The following PRKCI variants were observed in gnomAD, a reference collection of about 807,000 sequenced individuals.
PRKCI encodes the protein protein kinase C iota, also known as protein kinase C iota type.
Under a neutral mutation model 84.0 loss-of-function variants are expected in PRKCI, and 43 were observed. The ratio of observed to expected loss-of-function variants is 0.51; its 90% CI spans 0.40 to 0.66. PRKCI has a LOEUF of 0.66. PRKCI is among the 30% of genes least tolerant of loss of function. The probability of loss-of-function intolerance (pLI) is 0.00; values close to 1 mark genes in which losing one functional copy is unlikely to be tolerated. For synonymous variants in PRKCI, 216 were observed against 234.4 expected (o/e 0.92, Z 0.72); for missense variants, 459 against 745.6 (o/e 0.62, Z 4.48).
intron 14 of PRKCI, among the ~76,000 whole-genome samples, chr3:170,295,474 T>G (rs190763511): frequency 6.6e-6 from 1 of 151,970 alleles, no homozygotes; most frequent in East Asian, 1.9e-4. Context: ...GTCAGGAGTT[T>G]GAGACCAGCC....
intron 1 of PRKCI, among the ~76,000 whole-genome samples, 194 bp downstream of exon 1, chr3:170,222,964 C>T (rs1732531555): frequency 6.6e-6 from 1 of 151,986 alleles, no homozygotes. Flanking sequence ...CTGGGGGCGC[C>T]CCCAGGTATG....
At chr3:170,289,131 T>C (rs1193543264) in intron 12 of PRKCI, among the ~76,000 whole-genome samples, 1 of 152,232 alleles carries the variant, frequency 6.6e-6, no homozygotes, top group East Asian at 1.9e-4. Context: ...AAGTGAATGA[T>C]TAAGCATAGC....
At chr3:170,282,584 C>T (rs765204341) in intron 11 of PRKCI, among the ~76,000 whole-genome samples, 2 of 151,342 alleles carry the variant, frequency 1.3e-5, no homozygotes, top group Non-Finnish European at 1.5e-5. Flanking sequence ...GTAATCCCAG[C>T]TACTCAGGAG....
intron 1 of PRKCI, among the ~76,000 whole-genome samples, chr3:170,223,394 C>G (rs1732546586): frequency 6.6e-6 from 1 of 152,126 alleles, no homozygotes; most frequent in South Asian, 2.1e-4. Flanking sequence ...GTGTGTAAAT[C>G]AAAATTTTGT....
rs1277040459 is a variant in PRKCI, at chr3:170,222,562, G to C, written c.-108G>C. On this transcript the variant is annotated 5_prime_UTR_variant, in exon 1 of 18. Transcript: ENST00000295797. The stretch of plus-strand genomic sequence containing the variant: ...GCGGGCGAGGTGGGCAGGTAGGTGG[G>C]CGGACGGCCGCGGTTCTCCGGCAAG... 4.1e-6 allele frequency: 4 copies of C among 981,728 alleles called. No individual in the cohort carries two copies. The highest frequency in any genetic ancestry group is 5.8e-6 in the Non-Finnish European group (4 of 694,606). The allele number at this position is 981,728 out of a possible 1,614,324, so 60.8% of individuals were successfully genotyped here.
intron 2 of PRKCI, among the ~76,000 whole-genome samples, chr3:170,250,708 A>G (rs1733423163): frequency 6.6e-6 from 1 of 152,206 alleles, no homozygotes; most frequent in African/African-American, 2.4e-5. Context: ...ACATTTGGTT[A>G]CAACTTTTTG....
chr3:170,297,188 C>T lies in PRKCI; in HGVS notation c.1498-116C>T, dbSNP rs1034998869. On this transcript the variant is annotated intron_variant, in intron 15 of 17. Coordinates refer to ENST00000295797, the MANE Select transcript of PRKCI (RefSeq NM_002740.6). ...GTACTTTCTAGAAATAAAAGGTAGACCATTCCAACTTCAGAAATAAGAGTA... is the reference window on the plus strand; with the variant it reads ...GTACTTTCTAGAAATAAAAGGTAGATCATTCCAACTTCAGAAATAAGAGTA... 68 of 783,806 alleles carry T rather than the reference C, an allele frequency of 8.7e-5. No individual in the cohort carries two copies. In the Middle Eastern group the frequency reaches 2.6e-3, roughly 30 times the overall value. The allele number at this position is 783,806 out of a possible 1,614,324, so 48.6% of individuals were successfully genotyped here. A position where few individuals can be genotyped will look rare whatever the true frequency, so the allele number is the denominator to read the frequency against.
chr3:170,233,138 T>C (rs983511557), intron 1 of PRKCI, among the ~76,000 whole-genome samples: 1 of 151,654 alleles, frequency 6.6e-6, no homozygotes, highest in Non-Finnish European at 1.5e-5. Flanking sequence ...TAATGGTTAT[T>C]GCAAATAAAA....
At position 170,262,634 on chromosome 3, in the gene PRKCI, A is replaced by G. The variant is rs570189466; in HGVS notation, c.314-745A>G. ...GAGCTGGGATTACAGGCACATCACC[A>G]TGCCAGGCTAATTTTTTTTGTATTT... On this transcript the variant is annotated intron_variant, in intron 3 of 17. Coordinates refer to ENST00000295797, the MANE Select transcript of PRKCI (RefSeq NM_002740.6). 4.6e-5 allele frequency among the ~76,000 whole-genome samples: 7 copies of G among 152,142 alleles called. No homozygotes were observed. The South Asian group carries it at 1.0e-3, about 23-fold the overall frequency.
intron 5 of PRKCI, among the ~76,000 whole-genome samples, chr3:170,269,119 T>C (rs1733937909): frequency 6.6e-6 from 1 of 152,156 alleles, no homozygotes; most frequent in Non-Finnish European, 1.5e-5. Flanking sequence ...TATACCTTGT[T>C]GGCCAAGCTG....
intron 1 of PRKCI, among the ~76,000 whole-genome samples, chr3:170,223,738 T>G (rs975360009): frequency 6.6e-6 from 1 of 152,146 alleles, no homozygotes; most frequent in Non-Finnish European, 1.5e-5. Flanking sequence ...CCTTACTGCT[T>G]GTCCAGGTAG....
rs535451754 is a variant in PRKCI at position 170,242,125 on chromosome 3, G to C, written c.223+6774G>C. Among the ~76,000 whole-genome samples the C allele has an allele frequency of 7.9e-5, 12 of 152,068 alleles. No homozygotes were observed. In the East Asian group the frequency reaches 1.9e-3, roughly 25 times the overall value. Reference sequence around the variant, plus strand: ...ACTCCGTCTCAAAAAAATTTTTTTTGTAGAGACAGGGTCTTGTTACATTGT... The same window carrying C: ...ACTCCGTCTCAAAAAAATTTTTTTTCTAGAGACAGGGTCTTGTTACATTGT... On this transcript the variant is annotated intron_variant, in intron 2 of 17. Coordinates refer to ENST00000295797, the MANE Select transcript of PRKCI (RefSeq NM_002740.6).
chr3:170,278,715 A>G (rs1734176542), intron 8 of PRKCI, among the ~76,000 whole-genome samples: 1 of 152,224 alleles, frequency 6.6e-6, no homozygotes. Flanking sequence ...TAATTTATAC[A>G]AGATTTATTT....
At chr3:170,255,055 CTTTTTTTTTT>C (rs34437904) in intron 2 of PRKCI, among the ~76,000 whole-genome samples, 1 of 38,854 alleles carries the variant, frequency 2.6e-5, no homozygotes, top group Non-Finnish European at 4.3e-5. Context: ...AGATCTTTCA[CTTTTTTTTTT>C]TTTTTTTTTT....
At chr3:170,290,371 T>C (rs1296058543) in intron 12 of PRKCI, among the ~76,000 whole-genome samples, 1 of 152,108 alleles carries the variant, frequency 6.6e-6, no homozygotes, top group African/African-American at 2.4e-5. Flanking sequence ...TACATTGAGA[T>C]TTCCTTTATG....
intron 11 of PRKCI, among the ~76,000 whole-genome samples, chr3:170,284,198 A>C (rs1278823733): frequency 1.3e-5 from 2 of 152,078 alleles, no homozygotes; most frequent in Admixed American, 1.3e-4. Flanking sequence ...AAGTTCACCC[A>C]AGGACCCAGA....
chr3:170,293,489 A>G lies in PRKCI; in HGVS notation c.1398A>G (p.Thr466=), dbSNP rs991878288. 3 of 1,613,610 alleles carry G rather than the reference A, an allele frequency of 1.9e-6. No individual in the cohort carries two copies. The highest frequency in any genetic ancestry group is 1.7e-6 in the Non-Finnish European group (2 of 1,179,788). The change falls in exon 14 of 18, where the codon ACA becomes ACG. Residue 466 remains threonine, a synonymous_variant. Transcript: ENST00000295797. Reference sequence around the variant, plus strand: ...GCTCCGATAACCCTGACCAGAACACAGAGGATTATCTCTTCCAAGGTAATT... The same window carrying G: ...GCTCCGATAACCCTGACCAGAACACGGAGGATTATCTCTTCCAAGGTAATT... ...VGSSDNPDQN[T]EDYLFQVILE... is the part of the protein sequence containing the mutation.
intron 2 of PRKCI, among the ~76,000 whole-genome samples, chr3:170,241,418 G>A (rs1733127915): frequency 1.3e-5 from 2 of 152,078 alleles, no homozygotes; most frequent in Non-Finnish European, 2.9e-5. Flanking sequence ...ATATCATGTG[G>A]TGTTTGCCTT....
intron 12 of PRKCI, among the ~76,000 whole-genome samples, chr3:170,287,637 G>A (rs1734427631): frequency 6.6e-6 from 1 of 151,698 alleles, no homozygotes; most frequent in Non-Finnish European, 1.5e-5. Flanking sequence ...TGGGCAGGGT[G>A]TGATGGCTCA....
Sources: gnomAD v4.1 joint callset for allele counts (sites outside exome capture counted in the v4.1 genomes callset) on GRCh38, gnomAD v4.1.1 for gene constraint, MANE v1.5 for transcripts, NCBI Gene and HGNC (gene_info 2026-07-23, HGNC 2026-07-21) for gene names.